The following MYOZ1 variants were observed in gnomAD, a reference collection of about 807,000 sequenced individuals.
MYOZ1 encodes myozenin 1.
MYOZ1 carries 20 observed loss-of-function variants against 28.7 expected under a neutral mutation model. The ratio of observed to expected loss-of-function variants is 0.70; its 90% CI spans 0.49 to 1.01. The LOEUF is 1.01. Among genes scored for constraint, MYOZ1 ranks in the 50% least tolerant of loss-of-function variants. MYOZ1 has a pLI of 0.00. For synonymous variants in MYOZ1, 144 were observed against 145.8 expected, an observed-to-expected ratio of 0.99 and a Z score of 0.09; for missense variants, 371 against 372.4, an observed-to-expected ratio of 1.00 and a Z score of 0.03.
chr10:73,635,349 C>A (rs958864151), intron 3 of MYOZ1, among the ~76,000 whole-genome samples: 1 of 151,640 alleles, frequency 6.6e-6, no homozygotes, highest in Non-Finnish European at 1.5e-5. Context: ...AAGACCAACA[C>A]GCCTGCCCAG....
intron 5 of MYOZ1, among the ~76,000 whole-genome samples, chr10:73,632,500 C>G (rs1049095561): frequency 2.6e-5 from 4 of 152,024 alleles, no homozygotes; most frequent in Non-Finnish European, 5.9e-5. Context: ...TGCGGTGGCT[C>G]ACGCCTGTAA....
At position 73,633,999 on chromosome 10, in the gene MYOZ1, C is replaced by T. The variant is rs773585700; in HGVS notation, c.569G>A (p.Arg190Gln). 2.5e-6 allele frequency: 4 copies of T among 1,614,064 alleles called. No individual in the cohort carries two copies. The highest frequency in any genetic ancestry group is 3.4e-6 in the Non-Finnish European group (4 of 1,179,964). ...TTGCTGGGGGTCAACCCCCATGGCT[C>T]GCTCCCATGGGGAAATATAGGTCTT... ...VFKTYISPWE[R>Q]AMGVDPQQKM... The change falls in exon 5 of 6, where the codon CGA becomes CAA. Residue 190 changes from arginine (R) to glutamine (Q), a missense_variant. Transcript: ENST00000359322.
chr10:73,636,461 A>T (rs977264948), intron 3 of MYOZ1, among the ~76,000 whole-genome samples: 21 of 147,270 alleles, frequency 1.4e-4, no homozygotes, highest in African/African-American at 3.7e-4. Flanking sequence ...ACAAATTTTT[A>T]TTTTTTTTTT....
At position 73,634,041 on chromosome 10, in the gene MYOZ1, T is replaced by A; in HGVS notation, c.527A>T (p.Lys176Ile). ...ATAGGTCTTGAACACAGTGATATGT[T>A]TTCCTTCTCCGCCTGCCTGGTCTCC... ...GSGDQAGGEGKHITVFKTYIS... is the reference protein window; with the variant it reads ...GSGDQAGGEGIHITVFKTYIS... Residue 176 changes from lysine to isoleucine, a missense_variant, in exon 5 of 6, where the codon AAA (lysine) becomes ATA (isoleucine). Physicochemically the swap from Lys to Ile is moderately radical, Grantham distance 102. Coordinates refer to ENST00000359322, the MANE Select transcript of MYOZ1 (RefSeq NM_021245.4). 1 of 1,613,924 alleles carries A rather than the reference T, an allele frequency of 6.2e-7. No homozygotes were observed. The highest frequency in any genetic ancestry group is 1.1e-5 in the South Asian group (1 of 90,998).
intron 5 of MYOZ1, 136 bp downstream of exon 5, chr10:73,633,764 G>A (rs1564983335): frequency 1.1e-6 from 1 of 945,356 alleles, no homozygotes; most frequent in Admixed American, 2.8e-5. Context: ...AAAGAGCAGG[G>A]CCTTTGATTA....
Position 73,639,924 on chromosome 10 carries a change from GGA to G in MYOZ1, c.73+19_73+20del, listed in dbSNP as rs1425556267. On this transcript the variant is annotated intron_variant, in intron 2 of 5. Coordinates refer to ENST00000359322, the MANE Select transcript of MYOZ1 (RefSeq NM_021245.4). ...ATGCTCTTAAGAAGTCCCACACTAG[GGA>G]GATGCAAACATGTCCTACCTCCAGT... is the stretch of plus-strand genomic sequence containing the variant. The G allele has an allele frequency of 6.2e-7, 1 of 1,611,316 alleles. No homozygotes were observed. Among genetic ancestry groups the G allele is most frequent in the African/African-American group, 1.3e-5 (1 of 74,852 alleles).
At chr10:73,634,175 T>C in intron 4 of MYOZ1, 110 bp from the exon 5 acceptor site, 5 of 1,232,168 alleles carry the variant, frequency 4.1e-6, no homozygotes, top group Non-Finnish European at 5.7e-6. Flanking sequence ...GGACTAAAGA[T>C]ATAATATCCT....
intron 5 of MYOZ1, among the ~76,000 whole-genome samples, chr10:73,632,619 C>T (rs2081641502): frequency 6.7e-6 from 1 of 150,260 alleles, no homozygotes; most frequent in African/African-American, 2.4e-5. Context: ...ACAAACACCC[C>T]CCCCCCAAAA....
rs1321172748 is a variant in MYOZ1 at position 73,631,640 on chromosome 10, A to C, written c.*290T>G. On this transcript the variant is annotated 3_prime_UTR_variant, in exon 6 of 6. Transcript: ENST00000359322. ...CGGCTTTCATCTGCTCTCAAATATC[A>C]AAGGAAGAATGAGTTCATTTTCCTT... 1.0e-5 allele frequency: 4 copies of C among 382,072 alleles called. No individual in the cohort carries two copies. In the East Asian group the frequency reaches 2.1e-4, roughly 20 times the overall value. 23.7% of individuals were successfully genotyped at this position (382,072 alleles called of 1,614,324 possible). A position where few individuals can be genotyped will look rare whatever the true frequency, so the allele number is the denominator to read the frequency against.
In MYOZ1 at chr10:73,634,530, G is replaced by A; in HGVS notation, c.456C>T (p.Gly152=). The A allele has an allele frequency of 6.2e-7, 1 of 1,614,046 alleles. No individual in the cohort carries two copies. The highest frequency in any genetic ancestry group is 8.5e-7 in the Non-Finnish European group (1 of 1,180,006). The change falls in exon 4 of 6, where the codon GGC becomes GGT. Residue 152 remains glycine, a synonymous_variant. Transcript: ENST00000359322. ...GGTGGPAGQA[G]RGGAAGTAGV... ...CTGCTGTGCCAGCAGCTCCTCCTCT[G>A]CCAGCCTGGCCCGCGGGACCACCTG...
At chr10:73,635,910 C>A (rs1279134653) in intron 3 of MYOZ1, among the ~76,000 whole-genome samples, 5 of 152,146 alleles carry the variant, frequency 3.3e-5, no homozygotes, top group African/African-American at 4.8e-5. Flanking sequence ...TAGATGCAAA[C>A]CCAAAGCCTA....
At chr10:73,640,780 G>C (rs1223274017) in intron 1 of MYOZ1, among the ~76,000 whole-genome samples, 2 of 152,190 alleles carry the variant, frequency 1.3e-5, no homozygotes, top group African/African-American at 2.4e-5. Context: ...CAGGAGGACA[G>C]AGAAATATTC....
chr10:73,636,465 T>A (rs996999667), intron 3 of MYOZ1, among the ~76,000 whole-genome samples: 2 of 152,112 alleles, frequency 1.3e-5, no homozygotes, highest in African/African-American at 2.4e-5. Flanking sequence ...ATTTTTATTT[T>A]TTTTTTTTAG....
intron 1 of MYOZ1, among the ~76,000 whole-genome samples, chr10:73,640,983 A>T (rs1025535586): frequency 6.6e-6 from 1 of 152,172 alleles, no homozygotes; most frequent in African/African-American, 2.4e-5. Flanking sequence ...CCGACACGTC[A>T]ATTCAGCAAT....
At position 73,631,750 on chromosome 10, in the gene MYOZ1, G is replaced by T. The variant is rs909318390; in HGVS notation, c.*180C>A. ...GGAGCAAGTAGAAGGGGAGCTCTGA[G>T]TTGGTGAGGAAGGATGCGTGGAGTG... On this transcript the variant is annotated 3_prime_UTR_variant, in exon 6 of 6. Transcript: ENST00000359322. 13 of 598,666 alleles carry T rather than the reference G, an allele frequency of 2.2e-5. No homozygotes were observed. The African/African-American group carries it at 2.2e-4, about 10-fold the overall frequency. The allele number at this position is 598,666 out of a possible 1,614,324, so 37.1% of individuals were successfully genotyped here. A position where few individuals can be genotyped will look rare whatever the true frequency, so the allele number is the denominator to read the frequency against.
intron 3 of MYOZ1, among the ~76,000 whole-genome samples, chr10:73,636,474 A>G (rs2081667901): frequency 6.7e-6 from 1 of 149,848 alleles, no homozygotes; most frequent in Non-Finnish European, 1.5e-5. Context: ...TTTTTTTTTT[A>G]GATGGGTTCT....
At position 73,632,783 on chromosome 10, in the gene MYOZ1, C is replaced by CAA. The variant is rs778322709; in HGVS notation, c.669-624_669-623dup. On this transcript the variant is annotated intron_variant, in intron 5 of 5. Coordinates refer to ENST00000359322, the MANE Select transcript of MYOZ1 (RefSeq NM_021245.4). ...TGGGCAACAGAGCAAGACTCTGTCT[C>CAA]AAAAAAAAAAAAAAAAATTGCAATA... 7.7e-3 allele frequency among the ~76,000 whole-genome samples: 919 copies of CAA among 119,876 alleles called. 21 individuals carry two copies. Among genetic ancestry groups the CAA allele is most frequent in the African/African-American group, 0.025 (840 of 33,926 alleles). 78.6% of individuals were successfully genotyped at this position (119,876 alleles called of 152,430 possible). A position where few individuals can be genotyped will look rare whatever the true frequency, so the allele number is the denominator to read the frequency against.
intron 1 of MYOZ1, among the ~76,000 whole-genome samples, chr10:73,641,065 G>A (rs1272794909): frequency 6.6e-5 from 10 of 152,156 alleles, no homozygotes; most frequent in Non-Finnish European, 1.5e-4. Context: ...GGGACAAACT[G>A]GGATAAGATG....
chr10:73,634,063 C>A lies in MYOZ1; in HGVS notation c.505G>T (p.Asp169Tyr). The part of the protein sequence containing the change: ...TAGVGETGSG[D>Y]QAGGEGKHIT... ...TGTTTTCCTTCTCCGCCTGCCTGGT[C>A]TCCTGGTAGCCATGGGAGAGAAAAT... is the stretch of plus-strand genomic sequence containing the variant. The change falls in exon 5 of 6, where the codon GAC becomes TAC. Residue 169 changes from aspartate (D) to tyrosine (Y), a missense_variant and splice_region_variant. Transcript: ENST00000359322. The A allele has an allele frequency of 6.2e-7, 1 of 1,613,988 alleles. No individual in the cohort carries two copies. Among genetic ancestry groups the A allele is most frequent in the South Asian group, 1.1e-5 (1 of 91,020 alleles).
Sources: gnomAD v4.1 joint callset for allele counts (sites outside exome capture counted in the v4.1 genomes callset) on GRCh38, gnomAD v4.1.1 for gene constraint, MANE v1.5 for transcripts, NCBI Gene and HGNC (gene_info 2026-07-23, HGNC 2026-07-21) for gene names.